Variants in ABI2 observed in about 807,000 individuals in gnomAD.
ABI2 encodes abelson interactor 2.
Under a neutral mutation model 59.2 loss-of-function variants are expected in ABI2, and 25 were observed. The ratio of observed to expected loss-of-function variants is 0.42; its 90% confidence interval spans 0.31 to 0.59. ABI2 has a LOEUF of 0.59. Among genes scored for constraint, ABI2 ranks in the 20% least tolerant of loss-of-function variants. The probability of loss-of-function intolerance (pLI) is 0.14; values close to 1 mark genes in which losing one functional copy is unlikely to be tolerated. For synonymous variants in ABI2, 213 were observed against 235.5 expected (o/e 0.90, Z 0.87); for missense variants, 545 against 681.8 (o/e 0.80, Z 2.23).
intron 11 of ABI2, among the ~76,000 whole-genome samples, chr2:203,419,300 CGTGGTTT>C: frequency 6.6e-6 from 1 of 150,804 alleles, no homozygotes; most frequent in Admixed American, 6.6e-5. Flanking sequence ...TTAGTAGAGA[CGTGGTTT>C]CACGGTGGTC....
chr2:203,352,156 G>A (rs1334843647), intron 1 of ABI2, among the ~76,000 whole-genome samples: 1 of 152,196 alleles, frequency 6.6e-6, no homozygotes, highest in Non-Finnish European at 1.5e-5. Flanking sequence ...ACATATAGAT[G>A]TAGCAGCTGG....
chr2:203,421,627 T>C (rs1239272393), intron 11 of ABI2, among the ~76,000 whole-genome samples: 1 of 152,222 alleles, frequency 6.6e-6, no homozygotes, highest in Non-Finnish European at 1.5e-5. Flanking sequence ...ACTGAAGGTA[T>C]GATCTCAAGC....
At chr2:203,352,804 T>C (rs1303093489) in intron 1 of ABI2, among the ~76,000 whole-genome samples, 1 of 152,216 alleles carries the variant, frequency 6.6e-6, no homozygotes, top group African/African-American at 2.4e-5. Context: ...TACCCAGACA[T>C]GTTCTAGTCC....
intron 2 of ABI2, among the ~76,000 whole-genome samples, chr2:203,370,186 T>TTCTCTCTCTCTCTCTCTCTC (rs71007509): frequency 1.8e-4 from 25 of 136,726 alleles, no homozygotes; most frequent in Admixed American, 5.2e-4. Context: ...CATTCTCCTA[T>TTCTCTCTCTCTCTCTCTCTC]TCTCTCTCTC....
chr2:203,420,414 G>A (rs1179274475), intron 11 of ABI2, among the ~76,000 whole-genome samples: 1 of 137,832 alleles, frequency 7.3e-6, no homozygotes, highest in Non-Finnish European at 1.6e-5. Flanking sequence ...TTTTTTTTGA[G>A]ACGGAGTCTT....
intron 10 of ABI2, among the ~76,000 whole-genome samples, chr2:203,412,001 C>A (rs2097696221): frequency 6.6e-6 from 1 of 152,136 alleles, no homozygotes; most frequent in African/African-American, 2.4e-5. Flanking sequence ...GTATGATGGA[C>A]AAATCCTCTT....
Position 203,373,993 on chromosome 2 carries a change from T to C in ABI2, c.286-6215T>C, listed in dbSNP as rs187133702. Among the ~76,000 whole-genome samples, 196 of 151,614 alleles carry C rather than the reference T, an allele frequency of 1.3e-3. 1 individual carries two copies. Among genetic ancestry groups the C allele is most frequent in the African/African-American group, 4.6e-3 (191 of 41,292 alleles). ...AGCCAACATGGCAAAATTCCATCTC[T>C]CCAAAAAATGCAAAAATTAGCCAGG... On this transcript the variant is annotated intron_variant, in intron 2 of 11. Transcript: ENST00000261018.
chr2:203,416,300 T>G (rs2097890160), intron 10 of ABI2, among the ~76,000 whole-genome samples: 1 of 152,174 alleles, frequency 6.6e-6, no homozygotes. Context: ...TTTATTTTTT[T>G]TTTGCTGTTG....
At chr2:203,330,093 T>G (rs992553412) in intron 1 of ABI2, among the ~76,000 whole-genome samples, 3 of 152,182 alleles carry the variant, frequency 2.0e-5, no homozygotes, top group Non-Finnish European at 4.4e-5. Context: ...AAACAGGTGT[T>G]ACAATTTTAT....
intron 1 of ABI2, chr2:203,355,107 C>T (rs1468136754): frequency 3.1e-6 from 1 of 322,598 alleles, no homozygotes; most frequent in Non-Finnish European, 6.8e-6. Context: ...TTTCCCTTTT[C>T]CTCTTTGATG....
intron 9 of ABI2, among the ~76,000 whole-genome samples, chr2:203,410,578 C>T (rs1344544977): frequency 6.6e-6 from 1 of 152,118 alleles, no homozygotes; most frequent in Admixed American, 6.5e-5. Context: ...TGATTAAGGC[C>T]TGCACTTTTC....
chr2:203,348,764 C>T (rs936415890), intron 1 of ABI2, among the ~76,000 whole-genome samples: 4 of 152,026 alleles, frequency 2.6e-5, no homozygotes, highest in African/African-American at 9.7e-5. Flanking sequence ...GTACAGCCGC[C>T]TCCATTATTA....
intron 11 of ABI2, among the ~76,000 whole-genome samples, chr2:203,418,856 T>C (rs2153560230): frequency 6.6e-6 from 1 of 152,188 alleles, no homozygotes; most frequent in South Asian, 2.1e-4. Context: ...AAACCCCAAA[T>C]AGAAGAAAAG....
chr2:203,344,662 C>G (rs779783021), intron 1 of ABI2, among the ~76,000 whole-genome samples: 2 of 151,798 alleles, frequency 1.3e-5, no homozygotes, highest in Non-Finnish European at 2.9e-5. Flanking sequence ...CTTCTGGGTC[C>G]GGTGGGGACT....
Position 203,328,565 on chromosome 2 carries a change from G to A in ABI2, c.51G>A (p.Arg17=), listed in dbSNP as rs759334281. The change falls in exon 1 of 12, where the codon CGG becomes CGA. Residue 17 remains arginine (R), a synonymous_variant. Transcript: ENST00000261018. ...LLEEEIPGGR[R]ALFDSYTNLE... ...AAGAGGAAATCCCGGGGGGCCGCCG[G>A]GCCCTCTTCGACAGCTACACAAATC... 6.2e-7 allele frequency: 1 copy of A among 1,606,006 alleles called. No homozygotes were observed. The highest frequency in any genetic ancestry group is 1.1e-5 in the South Asian group (1 of 90,550).
At chr2:203,364,043 C>T (rs182013640) in intron 1 of ABI2, among the ~76,000 whole-genome samples, 4 of 151,602 alleles carry the variant, frequency 2.6e-5, no homozygotes, top group South Asian at 2.1e-4. Flanking sequence ...GAATTATAGG[C>T]GTGAGCCATG....
At chr2:203,416,648 G>A (rs964311323) in intron 10 of ABI2, among the ~76,000 whole-genome samples, 1 of 152,122 alleles carries the variant, frequency 6.6e-6, no homozygotes, top group Non-Finnish European at 1.5e-5. Flanking sequence ...GGTTCCAGAG[G>A]CTCAGTTAAT....
At chr2:203,426,548 T>C (rs2098428378) in intron 11 of ABI2, among the ~76,000 whole-genome samples, 1 of 152,192 alleles carries the variant, frequency 6.6e-6, no homozygotes, top group African/African-American at 2.4e-5. Flanking sequence ...ATTATAGTTA[T>C]ATTAAATTGG....
At chr2:203,354,913 T>C (rs187300686) in intron 1 of ABI2, among the ~76,000 whole-genome samples, 29 of 152,368 alleles carry the variant, frequency 1.9e-4, no homozygotes, top group African/African-American at 3.8e-4. Flanking sequence ...TCAGTACCTC[T>C]GCTCACATGA....
Sources: gnomAD v4.1 joint callset for allele counts (sites outside exome capture counted in the v4.1 genomes callset) on GRCh38, gnomAD v4.1.1 for gene constraint, MANE v1.5 for transcripts, NCBI Gene and HGNC (gene_info 2026-07-23, HGNC 2026-07-21) for gene names.